The following MTHFD1L variants were observed in gnomAD, a reference collection of about 807,000 sequenced individuals.
MTHFD1L encodes the protein monofunctional C1-tetrahydrofolate synthase, mitochondrial.
In MTHFD1L, 81 loss-of-function variants were observed where a neutral mutation model predicts 119.5. The observed-to-expected ratio is 0.68, with a 90% CI of 0.57 to 0.82. The LOEUF is 0.82. Ranked by LOEUF, MTHFD1L falls within the 40% of genes least tolerant of loss-of-function variation. The pLI is 0.00. For synonymous variants in MTHFD1L, 430 were observed against 475.2 expected, an observed-to-expected ratio of 0.90 and a Z score of 1.24; for missense variants, 1,125 against 1,253.4, an observed-to-expected ratio of 0.90 and a Z score of 1.55.
At chr6:150,936,671 T>A in intron 11 of MTHFD1L, 133 bp from the exon 12 acceptor site, 1 of 1,104,044 alleles carries the variant, frequency 9.1e-7, no homozygotes, top group Non-Finnish European at 1.3e-6. Context: ...TAGACCATAA[T>A]AGCCCGAGAA....
chr6:151,006,009 G>C (rs138412769), intron 20 of MTHFD1L, among the ~76,000 whole-genome samples: 46 of 152,154 alleles, frequency 3.0e-4, no homozygotes, highest in Non-Finnish European at 5.7e-4. Flanking sequence ...GACATCACTG[G>C]CTCCCAAGTC....
chr6:150,931,858 A>G (rs958411239), intron 11 of MTHFD1L, among the ~76,000 whole-genome samples: 2 of 152,194 alleles, frequency 1.3e-5, no homozygotes, highest in East Asian at 3.9e-4. Context: ...AGTAATACTC[A>G]TCTTTAAAAA....
rs188583277 is a variant in MTHFD1L at position 150,919,517 on chromosome 6, G to T, written c.984+849G>T. 5.1e-4 allele frequency among the ~76,000 whole-genome samples: 78 copies of T among 152,220 alleles called. 1 individual carries two copies. In the East Asian group the frequency reaches 0.013, roughly 25 times the overall value. ...TGGGATTACAGGCATGAGCCACCGCGCCTGACCTGGCTCACAGTTCTGCAG... is the reference window on the plus strand; with the variant it reads ...TGGGATTACAGGCATGAGCCACCGCTCCTGACCTGGCTCACAGTTCTGCAG... On this transcript the variant is annotated intron_variant, in intron 9 of 27. Coordinates refer to ENST00000367321, the MANE Select transcript of MTHFD1L (RefSeq NM_015440.5).
intron 20 of MTHFD1L, among the ~76,000 whole-genome samples, chr6:150,996,354 T>G (rs9478897): frequency 0.2 from 30,117 of 151,926 alleles, 3,052 homozygotes; most frequent in Middle Eastern, 0.29. Context: ...TTTCCTTTTT[T>G]TGCAGAGGTG....
At chr6:151,038,689 G>A (rs1786584494) in intron 26 of MTHFD1L, among the ~76,000 whole-genome samples, 2 of 152,312 alleles carry the variant, frequency 1.3e-5, no homozygotes, top group South Asian at 4.1e-4. Context: ...GGCCCAGAGA[G>A]GTGGGTTAAT....
In MTHFD1L at chr6:150,975,718, C is replaced by T. The variant is rs941557401; in HGVS notation, c.2125+3660C>T. 3.3e-5 allele frequency among the ~76,000 whole-genome samples: 5 copies of T among 151,574 alleles called. No individual in the cohort carries two copies. The South Asian group carries it at 8.3e-4, about 25-fold the overall frequency. ...GCCACCCTTGTCTTGCACTTGGGCTCGCCCTGGCCCCTCCTAGGTTGAAGC... is the reference window on the plus strand; with the variant it reads ...GCCACCCTTGTCTTGCACTTGGGCTTGCCCTGGCCCCTCCTAGGTTGAAGC... On this transcript the variant is annotated intron_variant, in intron 20 of 27. Coordinates refer to ENST00000367321, the MANE Select transcript of MTHFD1L (RefSeq NM_015440.5).
In MTHFD1L at chr6:151,090,817, C is replaced by T. The variant is rs1483190468; in HGVS notation, c.2848-1650C>T. ...AGCAGGCACAGTAGAACCTGAATGT[C>T]TCCTCCAAGCGACTGGGTGCAGCAT... On this transcript the variant is annotated intron_variant, in intron 26 of 27. Transcript: ENST00000367321. Among the ~76,000 whole-genome samples, 4 of 152,202 alleles carry T rather than the reference C, an allele frequency of 2.6e-5. 1 individual carries two copies. The highest frequency in any genetic ancestry group is 9.6e-5 in the African/African-American group (4 of 41,454).
At chr6:151,081,536 G>C (rs1793179499) in intron 26 of MTHFD1L, among the ~76,000 whole-genome samples, 1 of 150,946 alleles carries the variant, frequency 6.6e-6, no homozygotes, top group Non-Finnish European at 1.5e-5. Flanking sequence ...GCCAGGCATG[G>C]TGGCACACGC....
At chr6:150,945,291 A>T (rs915498184) in intron 14 of MTHFD1L, among the ~76,000 whole-genome samples, 176 bp from the exon 15 acceptor site, 1 of 152,264 alleles carries the variant, frequency 6.6e-6, no homozygotes, top group Non-Finnish European at 1.5e-5. Flanking sequence ...TGTCAGTTTT[A>T]TGAAAATGAC....
intron 4 of MTHFD1L, among the ~76,000 whole-genome samples, chr6:150,880,269 C>T (rs890441265): frequency 2.0e-5 from 3 of 152,136 alleles, no homozygotes; most frequent in Non-Finnish European, 2.9e-5. Context: ...TCCCCCATCC[C>T]TCTCCAGCCT....
chr6:150,907,399 A>G (rs1340016786), intron 8 of MTHFD1L, among the ~76,000 whole-genome samples: 2 of 152,244 alleles, frequency 1.3e-5, no homozygotes. Context: ...AAGGCGTTAC[A>G]GATGTTCCTC....
intron 24 of MTHFD1L, among the ~76,000 whole-genome samples, chr6:151,027,408 C>A (rs1248652491): frequency 6.6e-6 from 1 of 152,160 alleles, no homozygotes; most frequent in South Asian, 2.1e-4. Flanking sequence ...GATCACTTAG[C>A]AGATGCCTTT....
intron 26 of MTHFD1L, among the ~76,000 whole-genome samples, chr6:151,072,094 G>T (rs1792007426): frequency 6.6e-6 from 1 of 152,024 alleles, no homozygotes; most frequent in African/African-American, 2.4e-5. Flanking sequence ...CTCCCAAAGT[G>T]CTGAGAGTAC....
Position 151,058,084 on chromosome 6 carries a change from T to C in MTHFD1L, c.2847+20967T>C, listed in dbSNP as rs556809890. On this transcript the variant is annotated intron_variant, in intron 26 of 27. Transcript: ENST00000367321. The stretch of plus-strand genomic sequence containing the variant: ...AAGCCACCATGCCCAGCTGGAGGCC[T>C]TATTTTTACTGCTATTCAGAGAACC... Among the ~76,000 whole-genome samples the C allele has an allele frequency of 4.6e-5, 7 of 152,352 alleles. No homozygotes were observed. The East Asian group carries it at 1.4e-3, about 29-fold the overall frequency.
rs750960396 is a variant in MTHFD1L, at chr6:150,965,015, C to G, written c.1991C>G (p.Pro664Arg). 6.2e-7 allele frequency: 1 copy of G among 1,613,986 alleles called. No homozygotes were observed. The highest frequency in any genetic ancestry group is 8.5e-7 in the Non-Finnish European group (1 of 1,179,922). The change falls in exon 19 of 28, where the codon CCA becomes CGA. Residue 664 changes from proline (P) to arginine (R), a missense_variant. Pro to Arg is a moderately radical substitution (Grantham distance 103). Transcript: ENST00000367321. Reference protein sequence around the residue: ...LTVLMKDAIKPNLMQTLEGTP... With the variant: ...LTVLMKDAIKRNLMQTLEGTP... ...GTTTTGATGAAAGATGCAATAAAAC[C>G]AAACCTGATGCAGACCCTGGAAGTA...
chr6:150,998,989 T>TAAAA (rs201806937), intron 20 of MTHFD1L, among the ~76,000 whole-genome samples: 2 of 147,922 alleles, frequency 1.4e-5, no homozygotes, highest in African/African-American at 5.0e-5. Context: ...GACCCTGTCT[T>TAAAA]AAAAAAATAT....
Position 150,949,065 on chromosome 6 carries a change from T to C in MTHFD1L, c.1658T>C (p.Leu553Pro). Reference protein sequence around the residue: ...LGINKTDPSTLTEEEVSKFAR... With the variant: ...LGINKTDPSTPTEEEVSKFAR... Reference sequence around the variant, plus strand: ...ATAAATAAGACTGATCCGAGCACACTGACAGAAGAGGAAGTGAGTAAATTT... The same window carrying C: ...ATAAATAAGACTGATCCGAGCACACCGACAGAAGAGGAAGTGAGTAAATTT... The change falls in exon 16 of 28, where the codon CTG (leucine) becomes CCG (proline). Residue 553 changes from leucine (L) to proline (P), a missense_variant. Coordinates refer to ENST00000367321, the MANE Select transcript of MTHFD1L (RefSeq NM_015440.5). 6.2e-7 allele frequency: 1 copy of C among 1,614,064 alleles called. No individual in the cohort carries two copies. The highest frequency in any genetic ancestry group is 8.5e-7 in the Non-Finnish European group (1 of 1,179,978).
chr6:150,896,342 G>A (rs1784205005), intron 7 of MTHFD1L, among the ~76,000 whole-genome samples: 1 of 152,192 alleles, frequency 6.6e-6, no homozygotes, highest in Admixed American at 6.5e-5. Flanking sequence ...CCTGAGGCCT[G>A]GGGCTCATCA....
At chr6:150,874,501 G>A (rs142611296) in intron 1 of MTHFD1L, among the ~76,000 whole-genome samples, 11 of 152,340 alleles carry the variant, frequency 7.2e-5, no homozygotes, top group African/African-American at 2.6e-4. Context: ...GTGTACCGTT[G>A]ATGGCATTGG....
Sources: gnomAD v4.1 joint callset for allele counts (sites outside exome capture counted in the v4.1 genomes callset) on GRCh38, gnomAD v4.1.1 for gene constraint, MANE v1.5 for transcripts, NCBI Gene and HGNC (gene_info 2026-07-23, HGNC 2026-07-21) for gene names.